MPP4: variants seen among roughly 807,000 people sequenced by gnomAD.
MPP4 encodes MAGUK p55 subfamily member 4.
MPP4 carries 91 observed loss-of-function variants against 98.3 expected under a neutral mutation model. That is an observed-to-expected ratio of 0.93 (90% CI 0.78 to 1.10). MPP4 has a LOEUF of 1.10. Ranked by LOEUF, MPP4 falls within the 50% of genes least tolerant of loss-of-function variation. MPP4 has a pLI of 0.00. For synonymous variants in MPP4, 261 were observed against 271.8 expected (o/e 0.96, Z 0.39); for missense variants, 744 against 792.9 (o/e 0.94, Z 0.74).
intron 7 of MPP4, among the ~76,000 whole-genome samples, chr2:201,683,504 T>G (rs1688723053): frequency 6.6e-6 from 1 of 152,134 alleles, no homozygotes; most frequent in African/African-American, 2.4e-5. Flanking sequence ...ATCCTAGCAC[T>G]TTGGGAGGCC....
chr2:201,661,212 T>C (rs897910207), intron 14 of MPP4, among the ~76,000 whole-genome samples: 4 of 137,706 alleles, frequency 2.9e-5, no homozygotes, highest in African/African-American at 1.0e-4. Flanking sequence ...TGAGCCACCA[T>C]ATCCAGCCTT....
chr2:201,663,363 T>C (rs1420344583), intron 14 of MPP4, among the ~76,000 whole-genome samples: 1 of 152,228 alleles, frequency 6.6e-6, no homozygotes, highest in African/African-American at 2.4e-5. Flanking sequence ...TCAGGGACAG[T>C]ACTAGCCCTG....
At chr2:201,690,654 G>A (rs761799977) in intron 3 of MPP4, among the ~76,000 whole-genome samples, 18 of 152,128 alleles carry the variant, frequency 1.2e-4, no homozygotes, top group Admixed American at 2.0e-4. Context: ...GGCCCTTTAG[G>A]ACCAGACACC....
rs753065526 is a variant in MPP4 at position 201,675,241 on chromosome 2, C to A, written c.960G>T (p.Pro320=). 1.9e-6 allele frequency: 3 copies of A among 1,609,042 alleles called. No individual in the cohort carries two copies. Among genetic ancestry groups the A allele is most frequent in the East Asian group, 2.2e-5 (1 of 44,778 alleles). Residue 320 remains proline (P), a synonymous_variant, in exon 11 of 22, where the codon CCG becomes CCT. Coordinates refer to ENST00000409474, the MANE Select transcript of MPP4 (RefSeq NM_033066.3). ...ACTTGAGGCAGGTGTGAGGCTGGTACGGCTGAGACCACCAGAATTCCCGTT... is the reference window on the plus strand; with the variant it reads ...ACTTGAGGCAGGTGTGAGGCTGGTAAGGCTGAGACCACCAGAATTCCCGTT... ...RKQREFWWSQ[P]YQPHTCLKST...
chr2:201,698,086 G>T, intron 1 of MPP4: 1 of 989,536 alleles, frequency 1.0e-6, no homozygotes, highest in South Asian at 4.6e-5. Context: ...GCCAGTTCTT[G>T]ACTCAGAAGA....
chr2:201,688,951 G>A (rs1292655115), intron 4 of MPP4, among the ~76,000 whole-genome samples: 1 of 152,140 alleles, frequency 6.6e-6, no homozygotes, highest in Non-Finnish European at 1.5e-5. Context: ...GGTCAATGTG[G>A]CTGGAACAGA....
chr2:201,651,415 G>A, intron 18 of MPP4: 1 of 985,354 alleles, frequency 1.0e-6, no homozygotes, highest in Middle Eastern at 5.2e-4. Context: ...AGGTGATAGT[G>A]AATTATGTCA....
intron 2 of MPP4, 66 bp downstream of exon 2, chr2:201,693,810 C>A: frequency 6.3e-7 from 1 of 1,574,964 alleles, no homozygotes; most frequent in African/African-American, 1.3e-5. Context: ...TCTGCCTATT[C>A]ATTTGATCAC....
At chr2:201,673,047 G>T (rs1688389006) in intron 11 of MPP4, among the ~76,000 whole-genome samples, 1 of 152,212 alleles carries the variant, frequency 6.6e-6, no homozygotes. Flanking sequence ...TCCCTGGGAT[G>T]CAAGGCTGGT....
chr2:201,681,612 AG>A, intron 8 of MPP4, 45 bp from the exon 9 acceptor site: 1 of 1,505,826 alleles, frequency 6.6e-7, no homozygotes, highest in South Asian at 1.1e-5. Context: ...TGGAGCTAGC[AG>A]GGTTACTGGG....
intron 6 of MPP4, 64 bp downstream of exon 6, chr2:201,685,855 A>G (rs1688813760): frequency 3.2e-6 from 5 of 1,576,108 alleles, no homozygotes; most frequent in Admixed American, 1.7e-5. Flanking sequence ...ACCACTAGAT[A>G]TAATTTGGTT....
chr2:201,691,901 G>T (rs1689040171), intron 3 of MPP4, among the ~76,000 whole-genome samples: 1 of 152,202 alleles, frequency 6.6e-6, no homozygotes, highest in Non-Finnish European at 1.5e-5. Flanking sequence ...CAAACAAATA[G>T]GAATAACTTT....
intron 11 of MPP4, among the ~76,000 whole-genome samples, chr2:201,672,632 A>C (rs767387752): frequency 4.6e-5 from 7 of 152,244 alleles, no homozygotes; most frequent in Non-Finnish European, 8.8e-5. Context: ...ACCTCTATGC[A>C]AATAAACTAG....
Position 201,654,924 on chromosome 2 carries a change from A to T in MPP4, c.1301-7T>A. 1 of 1,565,602 alleles carries T rather than the reference A, an allele frequency of 6.4e-7. No homozygotes were observed. The highest frequency in any genetic ancestry group is 8.7e-7 in the Non-Finnish European group (1 of 1,147,394). ...ACTCCAACACCAGAGGGTCCTAAACACAAAAAGTCACACACAGAAATCATC... is the reference window on the plus strand; with the variant it reads ...ACTCCAACACCAGAGGGTCCTAAACTCAAAAAGTCACACACAGAAATCATC... On this transcript the variant is annotated splice_region_variant and splice_polypyrimidine_tract_variant and intron_variant, in intron 17 of 21. Transcript: ENST00000409474.
At chr2:201,670,974 C>T (rs1462296262) in intron 11 of MPP4, among the ~76,000 whole-genome samples, 1 of 152,182 alleles carries the variant, frequency 6.6e-6, no homozygotes, top group Admixed American at 6.5e-5. Context: ...ACTCCCTCCC[C>T]TAGCCAAGGA....
At chr2:201,669,168 T>C (rs993479983) in intron 12 of MPP4, among the ~76,000 whole-genome samples, 1 of 149,818 alleles carries the variant, frequency 6.7e-6, no homozygotes, top group East Asian at 2.0e-4. Context: ...ATCCAGATGG[T>C]TGGGCATGGA....
At chr2:201,664,165 T>C in intron 13 of MPP4, 64 bp from the exon 14 acceptor site, 2 of 1,513,574 alleles carry the variant, frequency 1.3e-6, no homozygotes, top group South Asian at 2.5e-5. Flanking sequence ...ACTGAGTCTA[T>C]ATTTTAAGTC....
rs34565163 is a variant in MPP4, at chr2:201,659,911, C to CT, written c.1087+420dup. 1.4e-3 allele frequency among the ~76,000 whole-genome samples: 216 copies of CT among 148,988 alleles called. 1 individual carries two copies. The highest frequency in any genetic ancestry group is 2.4e-3 in the African/African-American group (99 of 40,694). On this transcript the variant is annotated intron_variant, in intron 15 of 21. Transcript: ENST00000409474. ...GACATATGCAACCTTTTTTCTTAAC[C>CT]TTTTTTTTTTAAGTGTTTTAAAATA...
At chr2:201,686,969 G>T (rs1688856650) in intron 5 of MPP4, among the ~76,000 whole-genome samples, 1 of 152,190 alleles carries the variant, frequency 6.6e-6, no homozygotes, top group Non-Finnish European at 1.5e-5. Context: ...AAGGAAGCAT[G>T]GAGGTATTCC....
Sources: gnomAD v4.1 joint callset for allele counts (sites outside exome capture counted in the v4.1 genomes callset) on GRCh38, gnomAD v4.1.1 for gene constraint, MANE v1.5 for transcripts, NCBI Gene and HGNC (gene_info 2026-07-23, HGNC 2026-07-21) for gene names.